ARMC2: variants seen among roughly 807,000 people sequenced by gnomAD.
ARMC2 encodes the protein armadillo repeat-containing protein 2.
A neutral mutation model predicts 90.3 loss-of-function variants in ARMC2; 67 were observed. That is an observed-to-expected ratio of 0.74 (90% confidence interval 0.61 to 0.91). The LOEUF is 0.91. Ranked by LOEUF, ARMC2 falls within the 40% of genes least tolerant of loss-of-function variation. The pLI, the probability that ARMC2 is intolerant of heterozygous loss-of-function variation, is 0.00. For synonymous variants in ARMC2, 393 were observed against 393.0 expected (o/e 1.00, Z 0.00); for missense variants, 920 against 1,030.9 (o/e 0.89, Z 1.47).
At chr6:108,951,602 A>G (rs1317831445) in intron 12 of ARMC2, among the ~76,000 whole-genome samples, 1 of 152,234 alleles carries the variant, frequency 6.6e-6, no homozygotes, top group East Asian at 1.9e-4. Context: ...TTTTTTAGCA[A>G]GAACAAGCAG....
chr6:108,851,470 C>T (rs1176457133), intron 1 of ARMC2, among the ~76,000 whole-genome samples: 1 of 152,164 alleles, frequency 6.6e-6, no homozygotes, highest in Non-Finnish European at 1.5e-5. Flanking sequence ...TCACTGGGTA[C>T]GTACCAGGAA....
chr6:108,938,229 TTG>T (rs986166327), intron 12 of ARMC2, among the ~76,000 whole-genome samples: 10 of 152,132 alleles, frequency 6.6e-5, no homozygotes, highest in Admixed American at 2.0e-4. Context: ...ATCTGAAGCT[TTG>T]TGTTTGTTTT....
At chr6:108,927,949 C>A (rs1775234977) in intron 10 of ARMC2, 139 bp from the exon 11 acceptor site, 4 of 817,178 alleles carry the variant, frequency 4.9e-6, no homozygotes, top group Non-Finnish European at 7.2e-6. Flanking sequence ...GGCTCACATT[C>A]CCTGGTGGGA....
chr6:108,989,481 A>G, the ARMC2 span, among the ~76,000 whole-genome samples: 3 of 145,742 alleles, frequency 2.1e-5, no homozygotes, highest in Non-Finnish European at 4.7e-5. Context: ...ATATCTGTAT[A>G]TATATCTCTA....
At chr6:109,022,992 T>C in the ARMC2 span, among the ~76,000 whole-genome samples, 1 of 152,324 alleles carries the variant, frequency 6.6e-6, no homozygotes, top group South Asian at 2.1e-4. Context: ...TCTTCTCCTG[T>C]CTTCCCCTGC....
intron 3 of ARMC2, among the ~76,000 whole-genome samples, chr6:108,863,133 TTTTG>T (rs761571478): frequency 1.3e-4 from 19 of 151,848 alleles, no homozygotes; most frequent in Admixed American, 2.0e-4. Flanking sequence ...ATTTGTAGGG[TTTTG>T]TTTGTTTGTT....
the ARMC2 span, among the ~76,000 whole-genome samples, chr6:108,994,776 C>T: frequency 6.8e-5 from 10 of 146,932 alleles, no homozygotes; most frequent in African/African-American, 2.3e-4. Context: ...GATCTCGGCT[C>T]ACTGCAAGGT....
chr6:109,009,051 A>G, the ARMC2 span: 1 of 944,326 alleles, frequency 1.1e-6, no homozygotes, highest in East Asian at 5.8e-5. Context: ...CGACAATGTT[A>G]TTTACGTATT....
chr6:108,900,767 G>C (rs1772057804), intron 7 of ARMC2, among the ~76,000 whole-genome samples: 1 of 152,122 alleles, frequency 6.6e-6, no homozygotes, highest in Non-Finnish European at 1.5e-5. Flanking sequence ...TGGCCATGAG[G>C]AGTCACCTAG....
At chr6:109,016,275 CT>C in the ARMC2 span, among the ~76,000 whole-genome samples, 2 of 152,152 alleles carry the variant, frequency 1.3e-5, no homozygotes, top group Non-Finnish European at 2.9e-5. Context: ...TTTATAACAG[CT>C]ATCCTGCCTT....
chr6:108,920,548 G>A (rs1381863396), intron 10 of ARMC2, among the ~76,000 whole-genome samples: 5 of 152,094 alleles, frequency 3.3e-5, no homozygotes, highest in Non-Finnish European at 2.9e-5. Context: ...GGCAACTCAT[G>A]TTCTCCTCCA....
chr6:108,890,841 G>T (rs1048050201), intron 5 of ARMC2, among the ~76,000 whole-genome samples: 8 of 152,162 alleles, frequency 5.3e-5, no homozygotes, highest in Admixed American at 4.6e-4. Context: ...GTGCCATGGT[G>T]GTTTGCTGCA....
chr6:108,940,374 G>A (rs745677798), intron 12 of ARMC2, among the ~76,000 whole-genome samples: 10 of 152,202 alleles, frequency 6.6e-5, no homozygotes, highest in Non-Finnish European at 1.3e-4. Flanking sequence ...AGGCACCCAA[G>A]TGGAACTTCT....
chr6:108,911,074 A>G (rs2128471451), intron 9 of ARMC2, 73 bp downstream of exon 9: 1 of 884,982 alleles, frequency 1.1e-6, no homozygotes. Context: ...GAGAGAAAAT[A>G]TATAATCAAT....
At chr6:108,903,262 T>A (rs1466233162) in intron 7 of ARMC2, among the ~76,000 whole-genome samples, 1 of 151,820 alleles carries the variant, frequency 6.6e-6, no homozygotes, top group African/African-American at 2.4e-5. Flanking sequence ...CTCCTTTTTT[T>A]AAATTTATTT....
chr6:108,990,742 T>G, the ARMC2 span: 1 of 1,614,086 alleles, frequency 6.2e-7, no homozygotes, highest in Admixed American at 1.7e-5. Flanking sequence ...TAAGTAAGAT[T>G]GTAAGCAATG....
chr6:108,864,642 T>A (rs1006652933), intron 3 of ARMC2, among the ~76,000 whole-genome samples: 4 of 152,158 alleles, frequency 2.6e-5, no homozygotes, highest in Non-Finnish European at 4.4e-5. Context: ...CTTTACAGAT[T>A]AAATTGTGAG....
chr6:108,990,878 G>T, the ARMC2 span: 1 of 1,538,828 alleles, frequency 6.5e-7, no homozygotes, highest in Non-Finnish European at 8.9e-7. Context: ...ATGTGGTCAA[G>T]TACAGTTCTA....
chr6:108,932,516 C>CTATTT (rs774929036), intron 11 of ARMC2, among the ~76,000 whole-genome samples: 24 of 77,908 alleles, frequency 3.1e-4, no homozygotes, highest in African/African-American at 1.3e-3. Flanking sequence ...TTCTCCATTG[C>CTATTT]TTTTTTTTTT....
Sources: allele counts gnomAD v4.1 joint callset (sites outside exome capture counted in the v4.1 genomes callset), GRCh38; gene constraint gnomAD v4.1.1; transcripts MANE v1.5; gene names NCBI Gene and HGNC (gene_info 2026-07-23, HGNC 2026-07-21).